The following PACRG variants were observed in gnomAD, a reference collection of about 807,000 sequenced individuals.
The protein encoded by PACRG is parkin coregulated, also known as parkin coregulated gene protein.
Under a neutral mutation model 29.7 loss-of-function variants are expected in PACRG, and 29 were observed. The ratio of observed to expected loss-of-function variants is 0.98; its 90% CI spans 0.73 to 1.33. PACRG has a LOEUF of 1.33. Among genes scored for constraint, PACRG ranks in the 40% most tolerant of loss-of-function variants. PACRG has a pLI of 0.00. For synonymous variants in PACRG, 116 were observed against 118.7 expected, an observed-to-expected ratio of 0.98 and a Z score of 0.15; for missense variants, 279 against 316.2, an observed-to-expected ratio of 0.88 and a Z score of 0.89.
At chr6:162,744,118 G>A (rs1311993923) in intron 1 of PACRG, among the ~76,000 whole-genome samples, 1 of 152,050 alleles carries the variant, frequency 6.6e-6, no homozygotes, top group Non-Finnish European at 1.5e-5. Flanking sequence ...TTGCTTGATG[G>A]TTATTTAGTT....
At position 162,786,015 on chromosome 6, in the gene PACRG, T is replaced by A. The variant is rs74859544; in HGVS notation, c.157-28132T>A. Among the ~76,000 whole-genome samples the A allele has an allele frequency of 7.0e-3, 1,071 of 152,352 alleles. 19 individuals are homozygous for A. Among genetic ancestry groups the A allele is most frequent in the African/African-American group, 0.025 (1,022 of 41,590 alleles). On this transcript the variant is annotated intron_variant, in intron 1 of 4. Coordinates refer to ENST00000366888, the MANE Select transcript of PACRG (RefSeq NM_001080379.2). ...ACAGAGTAATTGCGCAAGGTCTTCCTGGCAGGGCCTGCCATATCTCTAGTT... is the reference window on the plus strand; with the variant it reads ...ACAGAGTAATTGCGCAAGGTCTTCCAGGCAGGGCCTGCCATATCTCTAGTT...
At chr6:163,255,420 C>T (rs1783067524) in intron 4 of PACRG, among the ~76,000 whole-genome samples, 1 of 152,116 alleles carries the variant, frequency 6.6e-6, no homozygotes, top group Non-Finnish European at 1.5e-5. Context: ...CAGGTGTTTG[C>T]ATAGAGGCAA....
chr6:162,938,825 C>T (rs934543380), intron 2 of PACRG, among the ~76,000 whole-genome samples: 17 of 151,982 alleles, frequency 1.1e-4, no homozygotes, highest in African/African-American at 4.8e-5. Flanking sequence ...TATTCATGTA[C>T]TTAGCTCACT....
At chr6:162,927,310 C>T (rs1797517245) in intron 2 of PACRG, among the ~76,000 whole-genome samples, 1 of 151,848 alleles carries the variant, frequency 6.6e-6, no homozygotes, top group Non-Finnish European at 1.5e-5. Context: ...GGGTATATAC[C>T]CAAAGGAATA....
chr6:163,009,732 A>C (rs948793275), intron 2 of PACRG, among the ~76,000 whole-genome samples: 9 of 152,198 alleles, frequency 5.9e-5, no homozygotes, highest in Admixed American at 1.3e-4. Flanking sequence ...ACCAGCTGGG[A>C]TGGAGTTATT....
chr6:162,728,432 A>G, intron 1 of PACRG, 41 bp downstream of exon 1: 1 of 1,594,626 alleles, frequency 6.3e-7, no homozygotes, highest in Non-Finnish European at 8.5e-7. Flanking sequence ...GCTCTGAATC[A>G]GGGGACACGA....
chr6:163,223,944 G>A (rs981602975), intron 4 of PACRG, among the ~76,000 whole-genome samples: 2 of 152,140 alleles, frequency 1.3e-5, no homozygotes, highest in South Asian at 2.1e-4. Context: ...CAGAAATAAC[G>A]CCTATAAGAG....
intron 4 of PACRG, among the ~76,000 whole-genome samples, chr6:163,139,381 T>TCCTAATAAGGTACATTTGTA (rs71008138): frequency 0.75 from 113,158 of 151,734 alleles, 43,260 homozygotes; most frequent in African/African-American, 0.93. Context: ...AAGACCCTTA[T>TCCTAATAAGGTACATTTGTA]CCTAATAAGG....
intron 4 of PACRG, among the ~76,000 whole-genome samples, chr6:163,215,410 G>A (rs1781322022): frequency 6.6e-6 from 1 of 152,076 alleles, no homozygotes; most frequent in Non-Finnish European, 1.5e-5. Flanking sequence ...TTGTTATATT[G>A]TTCTGTTTTC....
chr6:162,744,900 G>A (rs893629750), intron 1 of PACRG, among the ~76,000 whole-genome samples: 4 of 151,826 alleles, frequency 2.6e-5, no homozygotes, highest in Admixed American at 2.6e-4. Flanking sequence ...GTATTTTTTC[G>A]TCTTTTTTTA....
At chr6:163,201,268 A>T (rs886981211) in intron 4 of PACRG, among the ~76,000 whole-genome samples, 1 of 152,374 alleles carries the variant, frequency 6.6e-6, no homozygotes, top group Non-Finnish European at 1.5e-5. Context: ...TACATATATT[A>T]TATCAATTCT....
chr6:162,986,312 T>C (rs1032246586), intron 2 of PACRG, among the ~76,000 whole-genome samples: 3 of 152,142 alleles, frequency 2.0e-5, no homozygotes, highest in African/African-American at 7.2e-5. Flanking sequence ...CCTCAAACTA[T>C]ACTATAAGGC....
intron 1 of PACRG, among the ~76,000 whole-genome samples, chr6:162,729,475 G>A (rs1029461488): frequency 2.0e-5 from 3 of 152,096 alleles, no homozygotes; most frequent in Admixed American, 6.5e-5. Context: ...TATGCAAAAC[G>A]ATATCCTAAT....
At chr6:162,845,310 C>T (rs909878430) in intron 2 of PACRG, among the ~76,000 whole-genome samples, 1 of 152,104 alleles carries the variant, frequency 6.6e-6, no homozygotes, top group African/African-American at 2.4e-5. Flanking sequence ...AACATACTCA[C>T]ATGTCCAAAC....
intron 3 of PACRG, among the ~76,000 whole-genome samples, chr6:163,078,836 C>T (rs1332988323): frequency 6.6e-6 from 1 of 152,128 alleles, no homozygotes; most frequent in Non-Finnish European, 1.5e-5. Flanking sequence ...CTTAAGCCAC[C>T]AAAGCACAGG....
intron 1 of PACRG, among the ~76,000 whole-genome samples, chr6:162,807,880 C>G (rs910705814): frequency 6.6e-6 from 1 of 152,114 alleles, no homozygotes; most frequent in African/African-American, 2.4e-5. Flanking sequence ...AATGTCTCTA[C>G]GTATCCGTAA....
chr6:163,187,971 A>G (rs994089510), intron 4 of PACRG: 2 of 152,254 alleles, frequency 1.3e-5, no homozygotes, highest in African/African-American at 4.8e-5. Context: ...CTCTTCAACA[A>G]GGCAGGAAAC....
chr6:163,194,025 T>C lies in PACRG; in HGVS notation c.613+104617T>C, dbSNP rs544786740. Among the ~76,000 whole-genome samples, 140 of 152,184 alleles carry C rather than the reference T, an allele frequency of 9.2e-4. 2 individuals are homozygous for C. The South Asian group carries it at 0.028, about 30-fold the overall frequency. On this transcript the variant is annotated intron_variant, in intron 4 of 4. Coordinates refer to ENST00000366888, the MANE Select transcript of PACRG (RefSeq NM_001080379.2). Reference sequence around the variant, plus strand: ...CTCCTGCCTCAGCCTCCCGAGTAGCTGGGACTACAGGTGTGGGCCACCAAA... The same window carrying C: ...CTCCTGCCTCAGCCTCCCGAGTAGCCGGGACTACAGGTGTGGGCCACCAAA...
chr6:163,137,849 G>A (rs1344657970), intron 4 of PACRG, among the ~76,000 whole-genome samples: 1 of 152,228 alleles, frequency 6.6e-6, no homozygotes, highest in African/African-American at 2.4e-5. Context: ...CACTGCCTGG[G>A]CCCTGCAGCT....
Sources: allele counts gnomAD v4.1 joint callset (sites outside exome capture counted in the v4.1 genomes callset), GRCh38; gene constraint gnomAD v4.1.1; transcripts MANE v1.5; gene names NCBI Gene and HGNC (gene_info 2026-07-23, HGNC 2026-07-21).